Variants in FLOT2 observed in about 807,000 individuals in gnomAD.
FLOT2 encodes the protein flotillin 2, also known as flotillin-2.
Under a neutral mutation model 54.9 loss-of-function variants are expected in FLOT2, and 35 were observed. The observed-to-expected ratio is 0.64, with a 90% confidence interval of 0.49 to 0.84. The LOEUF is 0.84. FLOT2 is among the 40% of genes least tolerant of loss of function. The pLI is 0.00. For missense variants in FLOT2, 464 were observed against 572.1 expected, an observed-to-expected ratio of 0.81 and a Z score of 1.93; for synonymous variants, 207 against 228.9, an observed-to-expected ratio of 0.90 and a Z score of 0.86.
intron 2 of FLOT2, among the ~76,000 whole-genome samples, chr17:28,885,094 G>A (rs1226464100): frequency 2.0e-5 from 3 of 152,200 alleles, no homozygotes; most frequent in Non-Finnish European, 2.9e-5. Flanking sequence ...TTCAAGTGTA[G>A]GTGTGGGTAT....
At position 28,885,806 on chromosome 17, in the gene FLOT2, G is replaced by A; in HGVS notation, c.132-1491C>T. 24 of 1,269,866 alleles carry A rather than the reference G, an allele frequency of 1.9e-5. No homozygotes were observed. The South Asian group carries it at 3.1e-4, about 16-fold the overall frequency. The allele number at this position is 1,269,866 out of a possible 1,614,324, so 78.7% of individuals were successfully genotyped here. ...GGCTCCTGTCTGCCAGGCCCCGCAG[G>A]GCAGGAAGAGAGAAGGTTAGACACG... is the stretch of plus-strand genomic sequence containing the variant. On this transcript the variant is annotated intron_variant, in intron 2 of 10. Coordinates refer to ENST00000394908, the MANE Select transcript of FLOT2 (RefSeq NM_004475.3).
Position 28,881,879 on chromosome 17 carries a change from G to T in FLOT2, c.849C>A (p.Ile283=). 6 of 1,613,672 alleles carry T rather than the reference G, an allele frequency of 3.7e-6. No homozygotes were observed. Among genetic ancestry groups the T allele is most frequent in the Non-Finnish European group, 5.1e-6 (6 of 1,180,042 alleles). Residue 283 remains isoleucine, a synonymous_variant, in exon 8 of 11, where the codon ATC becomes ATA. Coordinates refer to ENST00000394908, the MANE Select transcript of FLOT2 (RefSeq NM_004475.3). ...CCTCGGCAGGCCGGCGCACTGTAGC[G>T]ATGAGCTCCTTGTCCGTACGCAGGA... ...QEILRTDKEL[I]ATVRRPAEAE...
chr17:28,888,803 C>CA, intron 2 of FLOT2, 142 bp downstream of exon 2: 23 of 506,052 alleles, frequency 4.5e-5, no homozygotes, highest in Middle Eastern at 5.8e-4. Flanking sequence ...AAGTCCCCCC[C>CA]AACCCCACCC....
chr17:28,887,616 G>T (rs931827315), intron 2 of FLOT2, among the ~76,000 whole-genome samples: 4 of 152,246 alleles, frequency 2.6e-5, no homozygotes, highest in African/African-American at 2.4e-5. Flanking sequence ...GACTGCAGGG[G>T]AATTGGCCTA....
At chr17:28,892,758 C>T (rs1296271012) in intron 1 of FLOT2, 1 of 152,302 alleles carries the variant, frequency 6.6e-6, no homozygotes, top group African/African-American at 2.4e-5. Flanking sequence ...TCAAGTGATT[C>T]TCCTGCCTCA....
In FLOT2 at chr17:28,883,971, T is replaced by G. The variant is rs1315833468; in HGVS notation, c.222+254A>C. ...GGTGGGGTTAGTGAGCCAGGAGCCC[T>G]CAGCACTGGTTCTGTCCCTCGTGGG... On this transcript the variant is annotated intron_variant, in intron 3 of 10. Transcript: ENST00000394908. The surrounding 1 kb of genome is among the most constrained non-coding windows in gnomAD (Gnocchi z 5.0). 1.3e-5 allele frequency among the ~76,000 whole-genome samples: 2 copies of G among 151,636 alleles called. No homozygotes were observed. The highest frequency in any genetic ancestry group is 2.9e-5 in the Non-Finnish European group (2 of 67,978).
chr17:28,885,379 C>T (rs1012275661), intron 2 of FLOT2, among the ~76,000 whole-genome samples: 7 of 152,190 alleles, frequency 4.6e-5, no homozygotes, highest in African/African-American at 1.4e-4. Context: ...AGGCTGGGAA[C>T]CCGCTGGCAC....
chr17:28,880,494 G>A lies in FLOT2; in HGVS notation c.*67C>T. The A allele has an allele frequency of 1.9e-6, 3 of 1,584,522 alleles. No individual in the cohort carries two copies. In the East Asian group the frequency reaches 6.7e-5, roughly 36 times the overall value. ...GAGTCAGTAACGTTCCCGTTGTTCT[G>A]TGGGATTAAAACGGGTGCTGGAGGG... On this transcript the variant is annotated 3_prime_UTR_variant, in exon 11 of 11. Coordinates refer to ENST00000394908, the MANE Select transcript of FLOT2 (RefSeq NM_004475.3).
chr17:28,881,845 GGGCCTC>G lies in FLOT2; in HGVS notation c.877_882del (p.Glu293_Ala294del), dbSNP rs758712818. The stretch of plus-strand genomic sequence containing the variant: ...CCCTCGGCAATCTGCTGGATGCGGT[GGGCCTC>G]GGCCTCGGCAGGCCGGCGCACTGTA... On this transcript the variant is annotated inframe_deletion, in exon 8 of 11. Transcript: ENST00000394908. 1.2e-6 allele frequency: 2 copies of G among 1,613,580 alleles called. No homozygotes were observed. Among genetic ancestry groups the G allele is most frequent in the Non-Finnish European group, 1.7e-6 (2 of 1,180,042 alleles).
At chr17:28,887,894 C>T (rs371118120) in intron 2 of FLOT2, among the ~76,000 whole-genome samples, 5 of 152,258 alleles carry the variant, frequency 3.3e-5, no homozygotes, top group South Asian at 2.1e-4. Context: ...GAGAGTGCAG[C>T]GGTTACTGAG....
intron 8 of FLOT2, 78 bp downstream of exon 8, chr17:28,881,736 G>A: frequency 7.6e-7 from 1 of 1,319,812 alleles, no homozygotes; most frequent in South Asian, 1.2e-5. Context: ...CCAAGCTGTG[G>A]TCAGGAGAGT....
intron 9 of FLOT2, 46 bp from the exon 10 acceptor site, chr17:28,880,908 T>G (rs2039436389): frequency 6.2e-7 from 1 of 1,608,662 alleles, no homozygotes; most frequent in Non-Finnish European, 8.5e-7. Flanking sequence ...GCTGACTCTG[T>G]TCTCAGCCCG....
chr17:28,880,868 A>G lies in FLOT2; in HGVS notation c.1099-6T>C. 6.2e-7 allele frequency: 1 copy of G among 1,613,820 alleles called. No individual in the cohort carries two copies. Among genetic ancestry groups the G allele is most frequent in the Non-Finnish European group, 8.5e-7 (1 of 1,179,914 alleles). Reference sequence around the variant, plus strand: ...GCAGCGATTTTGGCAGCAATCTAGGAGGTAAGAGTGGGAGGACAGCCTGGT... The same window carrying G: ...GCAGCGATTTTGGCAGCAATCTAGGGGGTAAGAGTGGGAGGACAGCCTGGT... On this transcript the variant is annotated splice_polypyrimidine_tract_variant and splice_region_variant and intron_variant, in intron 9 of 10. Transcript: ENST00000394908.
At chr17:28,893,515 G>A (rs1033600659) in intron 1 of FLOT2, among the ~76,000 whole-genome samples, 5 of 151,492 alleles carry the variant, frequency 3.3e-5, no homozygotes, top group Non-Finnish European at 7.4e-5. Context: ...GGGCTCAAGC[G>A]ATCCTCCAGC....
intron 1 of FLOT2, among the ~76,000 whole-genome samples, chr17:28,890,633 G>A (rs1253629067): frequency 1.3e-5 from 2 of 152,234 alleles, no homozygotes; most frequent in African/African-American, 2.4e-5. Context: ...TGATCTGCCC[G>A]CCTCAGCTTC....
chr17:28,895,407 G>A (rs928515553), intron 1 of FLOT2, among the ~76,000 whole-genome samples: 7 of 151,572 alleles, frequency 4.6e-5, no homozygotes, highest in South Asian at 2.1e-4. Context: ...GCTTACAAGC[G>A]TGCATCACTA....
intron 2 of FLOT2, chr17:28,885,544 A>T: frequency 1.4e-6 from 1 of 715,302 alleles, no homozygotes; most frequent in Non-Finnish European, 2.6e-6. Flanking sequence ...TTAACACCCA[A>T]GCCCAAGAAT....
At position 28,897,616 on chromosome 17, in the gene FLOT2, GGACAACAGCAGCGGGTCTGCA is replaced by G. The variant is rs1400853163; in HGVS notation, c.-63_-43del. The G allele has an allele frequency of 4.0e-6, 6 of 1,512,774 alleles. No individual in the cohort carries two copies. Among genetic ancestry groups the G allele is most frequent in the Non-Finnish European group, 2.7e-6 (3 of 1,129,058 alleles). The allele number at this position is 1,512,774 out of a possible 1,614,324, so 93.7% of individuals were successfully genotyped here. ...AGGGCCCTCGGGACCGCACAGACCCGGACAACAGCAGCGGGTCTGCAGCGCCGGCCGCGCCCAGCCTATCCC... is the reference window on the plus strand; with the variant it reads ...AGGGCCCTCGGGACCGCACAGACCCGGCGCCGGCCGCGCCCAGCCTATCCC... On this transcript the variant is annotated 5_prime_UTR_variant, in exon 1 of 11. Transcript: ENST00000394908. This position sits in a 1 kb window ranked among gnomAD's most constrained non-coding sequence, Gnocchi z 4.4.
At position 28,880,279 on chromosome 17, in the gene FLOT2, C is replaced by T; in HGVS notation, c.*282G>A. On this transcript the variant is annotated 3_prime_UTR_variant, in exon 11 of 11. Transcript: ENST00000394908. ...TCTTCAGCTTAATCTACATGATGTG[C>T]ATGGGGGAAAGAAAAAGACAGACAA... 7.5e-7 allele frequency: 1 copy of T among 1,335,910 alleles called. No homozygotes were observed. Among genetic ancestry groups the T allele is most frequent in the East Asian group, 3.0e-5 (1 of 33,726 alleles). 82.8% of individuals were successfully genotyped at this position (1,335,910 alleles called of 1,614,324 possible).
Sources: allele counts gnomAD v4.1 joint callset (sites outside exome capture counted in the v4.1 genomes callset), GRCh38; gene constraint gnomAD v4.1.1; non-coding constraint Gnocchi (gnomAD v3.1); transcripts MANE v1.5; gene names NCBI Gene and HGNC (gene_info 2026-07-23, HGNC 2026-07-21).